GATAD2A: variants seen among roughly 807,000 people sequenced by gnomAD.
The protein encoded by GATAD2A is transcriptional repressor p66-alpha.
In GATAD2A, 12 loss-of-function variants were observed where a neutral mutation model predicts 68.5. The ratio of observed to expected loss-of-function variants is 0.18; its 90% confidence interval spans 0.11 to 0.28. The LOEUF is 0.28. Ranked by LOEUF, GATAD2A falls within the 10% of genes least tolerant of loss-of-function variation. The probability of loss-of-function intolerance (pLI) is 1.00; values close to 1 mark genes in which losing one functional copy is unlikely to be tolerated. For missense variants in GATAD2A, 755 were observed against 868.5 expected (o/e 0.87, Z 1.64); for synonymous variants, 410 against 375.3 (o/e 1.09, Z -1.07).
chr19:19,397,798 C>T (rs578109178), intron 1 of GATAD2A, among the ~76,000 whole-genome samples: 1 of 151,924 alleles, frequency 6.6e-6, no homozygotes, highest in Non-Finnish European at 1.5e-5. Flanking sequence ...ACTGGCATTA[C>T]TGCAGCTTTG....
At chr19:19,409,678 A>C (rs1269048159) in intron 1 of GATAD2A, among the ~76,000 whole-genome samples, 2 of 152,122 alleles carry the variant, frequency 1.3e-5, no homozygotes, top group Non-Finnish European at 2.9e-5. Flanking sequence ...GTTGAGATAA[A>C]AAAAGACGGA....
chr19:19,428,896 G>A (rs1187942672), intron 1 of GATAD2A, among the ~76,000 whole-genome samples: 2 of 152,172 alleles, frequency 1.3e-5, no homozygotes, highest in African/African-American at 4.8e-5. Flanking sequence ...CATTGGCCGC[G>A]CCCCGAAGCT....
chr19:19,442,808 G>A (rs1189284195), intron 1 of GATAD2A, among the ~76,000 whole-genome samples: 2 of 151,408 alleles, frequency 1.3e-5, no homozygotes, highest in Non-Finnish European at 2.9e-5. Flanking sequence ...TCTTATTGGT[G>A]CTTAAAGGAC....
chr19:19,480,409 A>C (rs2058974295), intron 2 of GATAD2A, among the ~76,000 whole-genome samples: 1 of 152,230 alleles, frequency 6.6e-6, no homozygotes, highest in South Asian at 2.1e-4. Flanking sequence ...GTTTTCCAAA[A>C]TTCTGATTTT....
rs1437757285 is a variant in GATAD2A, at chr19:19,506,073, G to C, written c.*599G>C. On this transcript the variant is annotated 3_prime_UTR_variant, in exon 12 of 12. Transcript: ENST00000683918. ...CGCTGCATCATCCCGCTGGCCCTGT[G>C]CCCTGGAGGGTGGGCGGCTCATGGT... 3 of 398,876 alleles carry C rather than the reference G, an allele frequency of 7.5e-6. No homozygotes were observed. The highest frequency in any genetic ancestry group is 1.3e-5 in the Non-Finnish European group (3 of 226,094). The allele number at this position is 398,876 out of a possible 1,614,324, so 24.7% of individuals were successfully genotyped here.
intron 1 of GATAD2A, among the ~76,000 whole-genome samples, chr19:19,398,677 C>T (rs2049455392): frequency 6.6e-6 from 1 of 151,916 alleles, no homozygotes; most frequent in South Asian, 2.1e-4. Flanking sequence ...GTGGCTCACG[C>T]CTGTAATCCC....
intron 2 of GATAD2A, among the ~76,000 whole-genome samples, chr19:19,487,792 T>C (rs867240453): frequency 1.4e-4 from 22 of 152,110 alleles, no homozygotes; most frequent in Admixed American, 4.6e-4. Context: ...TAGGGCCTGG[T>C]GAGCCCAAGA....
At chr19:19,423,548 C>T (rs191030415) in intron 1 of GATAD2A, among the ~76,000 whole-genome samples, 5 of 152,374 alleles carry the variant, frequency 3.3e-5, no homozygotes, top group South Asian at 2.1e-4. Flanking sequence ...GAGCTGACCA[C>T]GTGGCCTTAG....
intron 2 of GATAD2A, among the ~76,000 whole-genome samples, chr19:19,490,904 A>G (rs2059750483): frequency 6.6e-6 from 1 of 152,162 alleles, no homozygotes; most frequent in Admixed American, 6.5e-5. Context: ...GAAAGAGAAT[A>G]CAATGAACCC....
chr19:19,424,170 C>A (rs2052775298), intron 1 of GATAD2A, among the ~76,000 whole-genome samples: 1 of 152,010 alleles, frequency 6.6e-6, no homozygotes, highest in South Asian at 2.1e-4. Flanking sequence ...GTGATCCTCC[C>A]ACCTCAGCGT....
intron 2 of GATAD2A, among the ~76,000 whole-genome samples, chr19:19,477,703 A>G (rs1178513774): frequency 6.6e-6 from 1 of 152,106 alleles, no homozygotes; most frequent in Admixed American, 6.6e-5. Flanking sequence ...TGGAGAAGGG[A>G]GAGTTGATGC....
chr19:19,412,928 T>C (rs1472344988), intron 1 of GATAD2A, among the ~76,000 whole-genome samples: 1 of 152,184 alleles, frequency 6.6e-6, no homozygotes, highest in African/African-American at 2.4e-5. Context: ...GGTAACCCCA[T>C]TGTAAGTCGA....
chr19:19,496,758 G>A (rs1386714942), intron 7 of GATAD2A, among the ~76,000 whole-genome samples: 1 of 152,206 alleles, frequency 6.6e-6, no homozygotes, highest in Non-Finnish European at 1.5e-5. Context: ...CCCACCCACT[G>A]GAAGTAGGAT....
chr19:19,505,277 G>T, intron 11 of GATAD2A, 67 bp from the exon 12 acceptor site: 3 of 1,532,078 alleles, frequency 2.0e-6, no homozygotes, highest in South Asian at 2.3e-5. Context: ...AGGCAGCTAT[G>T]GCTGGGCTCC....
chr19:19,431,727 C>T (rs975397323), intron 1 of GATAD2A, among the ~76,000 whole-genome samples: 1 of 151,616 alleles, frequency 6.6e-6, no homozygotes, highest in African/African-American at 2.4e-5. Flanking sequence ...CTAAGCACCA[C>T]TTATGTGTCA....
At chr19:19,386,634 CCGTCTCTCTAGGGGACCT>C (rs1399837596) in intron 1 of GATAD2A, among the ~76,000 whole-genome samples, 14 of 152,038 alleles carry the variant, frequency 9.2e-5, no homozygotes, top group South Asian at 2.1e-4. Context: ...CTAGGGGACC[CCGTCTCTCTAGGGGACCT>C]CGTCTCTAGG....
chr19:19,477,721 C>T (rs1056399991), intron 2 of GATAD2A, among the ~76,000 whole-genome samples: 1 of 152,164 alleles, frequency 6.6e-6, no homozygotes, highest in Non-Finnish European at 1.5e-5. Flanking sequence ...TGCTCTGAGC[C>T]TAGGTGGAGC....
At chr19:19,484,822 C>T (rs1036842167) in intron 2 of GATAD2A, among the ~76,000 whole-genome samples, 2 of 152,112 alleles carry the variant, frequency 1.3e-5, no homozygotes, top group African/African-American at 2.4e-5. Context: ...CGTGAGCCAC[C>T]GCGCCCAGCC....
chr19:19,440,103 GGAGTAGGT>G (rs1428463247), intron 1 of GATAD2A: 1 of 396,904 alleles, frequency 2.5e-6, no homozygotes, highest in African/African-American at 2.2e-5. Context: ...AAGGGAGGAA[GGAGTAGGT>G]GATGTCTTCA....
Sources: allele counts gnomAD v4.1 joint callset (sites outside exome capture counted in the v4.1 genomes callset), GRCh38; gene constraint gnomAD v4.1.1; transcripts MANE v1.5; gene names NCBI Gene and HGNC (gene_info 2026-07-23, HGNC 2026-07-21).